Variants in EYA2 observed in about 807,000 individuals in gnomAD.
EYA2 encodes EYA transcriptional coactivator and phosphatase 2.
A neutral mutation model predicts 69.2 loss-of-function variants in EYA2; 31 were observed. The ratio of observed to expected loss-of-function variants is 0.45; its 90% CI spans 0.34 to 0.60. EYA2 has a LOEUF of 0.60. Ranked by LOEUF, EYA2 falls within the 20% of genes least tolerant of loss-of-function variation. The pLI, the probability that EYA2 is intolerant of heterozygous loss-of-function variation, is 0.02. For missense variants in EYA2, 622 were observed against 701.2 expected (o/e 0.89, Z 1.28); for synonymous variants, 257 against 279.4 (o/e 0.92, Z 0.80).
chr20:47,024,723 G>A (rs2146386412), intron 5 of EYA2, among the ~76,000 whole-genome samples: 1 of 152,338 alleles, frequency 6.6e-6, no homozygotes, highest in Non-Finnish European at 1.5e-5. Context: ...CAATCATACA[G>A]CTCACCATCT....
intron 1 of EYA2, among the ~76,000 whole-genome samples, chr20:46,940,479 C>T (rs574982762): frequency 2.6e-5 from 4 of 152,324 alleles, no homozygotes; most frequent in South Asian, 2.1e-4. Context: ...GCTCTGCCAA[C>T]GCTACTGTTG....
chr20:47,125,298 G>A lies in EYA2; in HGVS notation c.889-17761G>A, dbSNP rs188614141. ...TCTTGATCTCCTGACCTCGTGATCC[G>A]CCCGCCTCGGCCTCCCAAAGTGCTG... On this transcript the variant is annotated intron_variant, in intron 9 of 15. Transcript: ENST00000327619. Among the ~76,000 whole-genome samples, 605 of 151,894 alleles carry A rather than the reference G, an allele frequency of 4.0e-3. 4 individuals carry two copies. Among genetic ancestry groups the A allele is most frequent in the African/African-American group, 0.014 (573 of 41,468 alleles).
rs560661802 is a variant in EYA2 at position 46,918,566 on chromosome 20, C to CA, written c.-11+23582dup. Among the ~76,000 whole-genome samples, 77 of 152,236 alleles carry CA rather than the reference C, an allele frequency of 5.1e-4. 2 individuals carry two copies. In the East Asian group the frequency reaches 8.6e-3, roughly 17 times the overall value. The stretch of plus-strand genomic sequence containing the variant: ...AGGCGATCCATCCACCTTGGCCTCC[C>CA]AAAGTGCTGGGATACAGACGTGAGC... On this transcript the variant is annotated intron_variant, in intron 1 of 15. Coordinates refer to ENST00000327619, the MANE Select transcript of EYA2 (RefSeq NM_005244.5).
chr20:47,058,438 G>A (rs1051239284), intron 5 of EYA2, among the ~76,000 whole-genome samples: 4 of 152,320 alleles, frequency 2.6e-5, no homozygotes, highest in Admixed American at 6.5e-5. Context: ...CTCACACACA[G>A]GCCCACAAGG....
intron 5 of EYA2, among the ~76,000 whole-genome samples, chr20:47,048,869 T>C (rs1156817061): frequency 6.6e-6 from 1 of 152,194 alleles, no homozygotes; most frequent in Non-Finnish European, 1.5e-5. Context: ...AAGAGAGAAG[T>C]AACAGAGGTG....
chr20:46,908,475 C>T (rs1984471842), intron 1 of EYA2, among the ~76,000 whole-genome samples: 1 of 152,202 alleles, frequency 6.6e-6, no homozygotes, highest in East Asian at 1.9e-4. Context: ...GGGCCTTGCT[C>T]AGAATCCAGC....
intron 9 of EYA2, among the ~76,000 whole-genome samples, chr20:47,107,713 G>A (rs2032631413): frequency 7.1e-6 from 1 of 141,326 alleles, no homozygotes; most frequent in Non-Finnish European, 1.5e-5. Context: ...AGAGAAGAAG[G>A]AAGAAGAAGA....
At chr20:47,045,881 AGAG>A (rs10571994) in intron 5 of EYA2, among the ~76,000 whole-genome samples, 45,382 of 152,010 alleles carry the variant, frequency 0.3, 8,279 homozygotes, top group Non-Finnish European at 0.4. Flanking sequence ...TGGGTGTTAC[AGAG>A]GAGGAGACCC....
At chr20:46,932,225 T>C (rs1028302675) in intron 1 of EYA2, among the ~76,000 whole-genome samples, 2 of 152,000 alleles carry the variant, frequency 1.3e-5, no homozygotes, top group Admixed American at 1.3e-4. Context: ...ACCTCCAGGC[T>C]CAGTCCGTCT....
chr20:47,047,397 T>A (rs1055644079), intron 5 of EYA2, among the ~76,000 whole-genome samples: 44 of 109,720 alleles, frequency 4.0e-4, no homozygotes, highest in South Asian at 9.7e-4. Flanking sequence ...TCTCTCTCTC[T>A]TTTTTTTGAG....
At chr20:47,187,563 T>TCC (rs1225383220) in intron 15 of EYA2, among the ~76,000 whole-genome samples, 1 of 152,178 alleles carries the variant, frequency 6.6e-6, no homozygotes, top group Admixed American at 6.5e-5. Flanking sequence ...GGGGAGGGGT[T>TCC]CCAGCACCGA....
At chr20:47,115,616 C>G (rs933860116) in intron 9 of EYA2, among the ~76,000 whole-genome samples, 1 of 151,996 alleles carries the variant, frequency 6.6e-6, no homozygotes, top group Non-Finnish European at 1.5e-5. Flanking sequence ...GCTCCCCCAC[C>G]ACCTCCTTCA....
chr20:46,950,294 T>G (rs919986879), intron 1 of EYA2, among the ~76,000 whole-genome samples: 3 of 152,190 alleles, frequency 2.0e-5, no homozygotes, highest in African/African-American at 7.2e-5. Context: ...GATGTTCCCC[T>G]CTCAGACAGA....
chr20:46,907,320 G>A (rs11700026), intron 1 of EYA2, among the ~76,000 whole-genome samples: 37,693 of 152,180 alleles, frequency 0.25, 6,014 homozygotes, highest in Non-Finnish European at 0.35. Flanking sequence ...CAAAGAGACC[G>A]GCTTTCCATG....
intron 5 of EYA2, among the ~76,000 whole-genome samples, chr20:47,018,788 G>A (rs1983569823): frequency 6.6e-6 from 1 of 152,244 alleles, no homozygotes; most frequent in African/African-American, 2.4e-5. Context: ...GATGGTGAAA[G>A]TGAGGCTCAG....
chr20:47,014,782 CAT>C (rs1983311775), intron 4 of EYA2, among the ~76,000 whole-genome samples: 1 of 151,808 alleles, frequency 6.6e-6, no homozygotes, highest in African/African-American at 2.4e-5. Flanking sequence ...ACATTTGTTG[CAT>C]GTGTGTGTGT....
rs548140461 is a variant in EYA2, at chr20:46,997,106, G to A, written c.110-4322G>A. ...GGTAGAGGTTGTTCTGGGTGTGAACGGCTACAAAAGCCTTAAAGGTGAGAA... is the reference window on the plus strand; with the variant it reads ...GGTAGAGGTTGTTCTGGGTGTGAACAGCTACAAAAGCCTTAAAGGTGAGAA... On this transcript the variant is annotated intron_variant, in intron 2 of 15. Coordinates refer to ENST00000327619, the MANE Select transcript of EYA2 (RefSeq NM_005244.5). 7.9e-5 allele frequency among the ~76,000 whole-genome samples: 12 copies of A among 152,198 alleles called. No homozygotes were observed. In the East Asian group the frequency reaches 1.9e-3, roughly 24 times the overall value.
At chr20:46,974,485 G>T (rs1386421007) in intron 1 of EYA2, among the ~76,000 whole-genome samples, 1 of 152,144 alleles carries the variant, frequency 6.6e-6, no homozygotes, top group Non-Finnish European at 1.5e-5. Flanking sequence ...ACAGTGAAGG[G>T]TAATGTTGCT....
At chr20:47,004,243 A>G (rs1191071231) in intron 3 of EYA2, among the ~76,000 whole-genome samples, 5 of 152,216 alleles carry the variant, frequency 3.3e-5, no homozygotes, top group Non-Finnish European at 5.9e-5. Context: ...AGAGATTAAG[A>G]ATGGGACAGA....
Sources: gnomAD v4.1 joint callset for allele counts (sites outside exome capture counted in the v4.1 genomes callset) on GRCh38, gnomAD v4.1.1 for gene constraint, MANE v1.5 for transcripts, NCBI Gene and HGNC (gene_info 2026-07-23, HGNC 2026-07-21) for gene names.